Variants in SART3 observed in about 807,000 individuals in gnomAD.
The protein encoded by SART3 is spliceosome associated factor 3, U4/U6 recycling protein.
A neutral mutation model predicts 122.3 loss-of-function variants in SART3; 44 were observed. The observed-to-expected ratio is 0.36, with a 90% CI of 0.28 to 0.46. The LOEUF is 0.46. SART3 is among the 20% of genes least tolerant of loss of function. SART3 has a pLI of 1.00. For synonymous variants in SART3, 442 were observed against 454.0 expected (o/e 0.97, Z 0.34); for missense variants, 1,101 against 1,229.0 (o/e 0.90, Z 1.56).
At chr12:108,558,111 G>C (rs6539442) in intron 1 of SART3, among the ~76,000 whole-genome samples, 112,581 of 151,888 alleles carry the variant, frequency 0.74, 43,623 homozygotes, top group East Asian at 0.92. Flanking sequence ...CCTAGCTGCA[G>C]TGAGCCATGA....
chr12:108,555,712 T>C (rs1300645273), intron 1 of SART3, among the ~76,000 whole-genome samples: 2 of 152,152 alleles, frequency 1.3e-5, no homozygotes, highest in Non-Finnish European at 2.9e-5. Flanking sequence ...GTTATATGCA[T>C]GTTCTGGGTT....
intron 15 of SART3, among the ~76,000 whole-genome samples, chr12:108,527,531 A>G (rs942535180): frequency 7.2e-5 from 11 of 152,210 alleles, no homozygotes; most frequent in Admixed American, 3.3e-4. Flanking sequence ...TCCTGATCAC[A>G]CGCCATGCCC....
rs952356360 is a variant in SART3, at chr12:108,537,682, A to G, written c.1202-87T>C. The G allele has an allele frequency of 5.2e-6, 5 of 969,848 alleles. No individual in the cohort carries two copies. In the East Asian group the frequency reaches 1.3e-4, roughly 24 times the overall value. The allele number at this position is 969,848 out of a possible 1,614,324, so 60.1% of individuals were successfully genotyped here. A position where few individuals can be genotyped will look rare whatever the true frequency, so the allele number is the denominator to read the frequency against. On this transcript the variant is annotated intron_variant, in intron 8 of 18. Coordinates refer to ENST00000546815, the MANE Select transcript of SART3 (RefSeq NM_014706.4). ...TACATTCTACTGACTATAAAACACT[A>G]CATGACTTTAAAGACTAATAGATGC... is the stretch of plus-strand genomic sequence containing the variant.
chr12:108,551,676 G>A (rs779964673), intron 1 of SART3, among the ~76,000 whole-genome samples: 14 of 152,026 alleles, frequency 9.2e-5, no homozygotes, highest in East Asian at 7.7e-4. Flanking sequence ...AAGTACTTAC[G>A]GAACATTCAC....
chr12:108,541,836 C>T (rs1032769159), intron 6 of SART3, among the ~76,000 whole-genome samples: 1 of 151,974 alleles, frequency 6.6e-6, no homozygotes, highest in African/African-American at 2.4e-5. Context: ...CCCCGCCCGG[C>T]CCAGACTTTT....
At position 108,523,557 on chromosome 12, in the gene SART3, T is replaced by C. The variant is rs1258567041; in HGVS notation, c.2792A>G (p.Glu931Gly). 1 of 1,614,000 alleles carries C rather than the reference T, an allele frequency of 6.2e-7. No homozygotes were observed. The highest frequency in any genetic ancestry group is 8.5e-7 in the Non-Finnish European group (1 of 1,180,014). ...TGCAGGAGCCGCGGCAGGGCCGTTC[T>C]CAGCCTGAGGAGCTGCAGCACTTGG... ...QRPSAAAPQA[E>G]NGPAAAPAVA... The change falls in exon 19 of 19, where the codon GAG becomes GGG. Residue 931 changes from glutamate (E) to glycine (G), a missense_variant. This residue lies in a region of SART3 where 885 missense variants were observed against 1,080.1 expected (regional missense o/e 0.82). Transcript: ENST00000546815.
intron 7 of SART3, 54 bp from the exon 8 acceptor site, chr12:108,538,257 TCAA>T: frequency 6.3e-7 from 1 of 1,597,476 alleles, no homozygotes; most frequent in South Asian, 1.1e-5. Context: ...GCATTCACCA[TCAA>T]CAAGACATTG....
intron 2 of SART3, 150 bp from the exon 3 acceptor site, chr12:108,548,141 C>T (rs555549139): frequency 7.1e-6 from 5 of 706,428 alleles, no homozygotes; most frequent in South Asian, 6.0e-5. Flanking sequence ...CTGAACTAAG[C>T]ACATAGGAGG....
chr12:108,525,096 C>A (rs1284019419), intron 17 of SART3, among the ~76,000 whole-genome samples: 1 of 152,174 alleles, frequency 6.6e-6, no homozygotes, highest in Non-Finnish European at 1.5e-5. Flanking sequence ...TGGTTGGAGG[C>A]CCCAGAGAAA....
At chr12:108,524,758 C>G (rs933998741) in intron 17 of SART3, 2 of 566,078 alleles carry the variant, frequency 3.5e-6, no homozygotes, top group East Asian at 3.0e-5. Context: ...ACACCTTGTA[C>G]GTGCTGCAGA....
At chr12:108,553,666 C>A (rs1039002551) in intron 1 of SART3, among the ~76,000 whole-genome samples, 1 of 152,022 alleles carries the variant, frequency 6.6e-6, no homozygotes, top group Non-Finnish European at 1.5e-5. Flanking sequence ...AGAAAGACAG[C>A]CAATGAATAT....
chr12:108,558,212 T>C (rs576508726), intron 1 of SART3, among the ~76,000 whole-genome samples: 1 of 152,040 alleles, frequency 6.6e-6, no homozygotes, highest in Non-Finnish European at 1.5e-5. Flanking sequence ...AACTCTCAAA[T>C]ATGGCAAGGC....
In SART3 at chr12:108,535,343, C is replaced by T; in HGVS notation, c.1556+16G>A. The T allele has an allele frequency of 6.2e-7, 1 of 1,605,828 alleles. No individual in the cohort carries two copies. Among genetic ancestry groups the T allele is most frequent in the Non-Finnish European group, 8.5e-7 (1 of 1,172,754 alleles). On this transcript the variant is annotated intron_variant, in intron 12 of 18. Coordinates refer to ENST00000546815, the MANE Select transcript of SART3 (RefSeq NM_014706.4). ...CTGACAAGCACTGCCTCCCTCCCCA[C>T]CCCGAGATCAGTTACCTTTCCAGGT...
intron 11 of SART3, among the ~76,000 whole-genome samples, chr12:108,536,013 C>T (rs1872888038): frequency 6.6e-6 from 1 of 152,222 alleles, no homozygotes. Flanking sequence ...ATCCTACCTG[C>T]TGATCAAGGG....
intron 1 of SART3, among the ~76,000 whole-genome samples, chr12:108,556,512 A>C (rs2030226779): frequency 6.6e-6 from 1 of 152,242 alleles, no homozygotes; most frequent in South Asian, 2.1e-4. Flanking sequence ...TAAGACTTTT[A>C]GCAATGTTCT....
rs936223309 is a variant in SART3 at position 108,543,146 on chromosome 12, T to C, written c.788A>G (p.Glu263Gly). The C allele has an allele frequency of 6.2e-7, 1 of 1,614,030 alleles. No individual in the cohort carries two copies. The highest frequency in any genetic ancestry group is 1.3e-5 in the African/African-American group (1 of 74,920). ...TTCTTCATACTCTGCAAATGTGGCC[T>C]CCATATCTATTGAAAGATGGATTCA... Reference protein sequence around the residue: ...RQLAIPLYDMEATFAEYEEWS... With the variant: ...RQLAIPLYDMGATFAEYEEWS... Residue 263 changes from glutamate to glycine, a missense_variant, in exon 6 of 19, where the codon GAG (glutamate) becomes GGG (glycine). Glu to Gly is a moderately conservative substitution (Grantham distance 98). Coordinates refer to ENST00000546815, the MANE Select transcript of SART3 (RefSeq NM_014706.4).
rs755043956 is a variant in SART3 at position 108,538,966 on chromosome 12, G to T, written c.1030C>A (p.Pro344Thr). The T allele has an allele frequency of 6.2e-7, 1 of 1,614,132 alleles. No homozygotes were observed. The highest frequency in any genetic ancestry group is 1.1e-5 in the South Asian group (1 of 91,080). The change falls in exon 7 of 19, where the codon CCA becomes ACA. Residue 344 changes from proline to threonine, a missense_variant. Physicochemically the swap from Pro to Thr is conservative, Grantham distance 38 (BLOSUM62 -1). Transcript: ENST00000546815. ...ERALVENCLV[P>T]DLWIRYSQYL... is the part of the protein sequence containing the mutation. ...TGACTGTAACGGATCCATAAGTCTGGGACAAGGCAGTTCTCGACCAGGGCG... is the reference window on the plus strand; with the variant it reads ...TGACTGTAACGGATCCATAAGTCTGTGACAAGGCAGTTCTCGACCAGGGCG...
At chr12:108,553,720 C>T (rs547366236) in intron 1 of SART3, among the ~76,000 whole-genome samples, 36 of 152,236 alleles carry the variant, frequency 2.4e-4, no homozygotes, top group African/African-American at 8.4e-4. Context: ...ATGAAGTAGC[C>T]AGTGAACCTT....
rs71076787 is a variant in SART3 at position 108,557,206 on chromosome 12, GTTTTTTTTTTTTTTT to G, written c.312+3622_312+3636del. On this transcript the variant is annotated intron_variant, in intron 1 of 18. Coordinates refer to ENST00000546815, the MANE Select transcript of SART3 (RefSeq NM_014706.4). Reference sequence around the variant, plus strand: ...GTCTTAGAACATCATTAATGACATAGTTTTTTTTTTTTTTTTTTTTTTTTTGAGGTGGAATCTTGC... The same window carrying G: ...GTCTTAGAACATCATTAATGACATAGTTTTTTTTTTGAGGTGGAATCTTGC... Among the ~76,000 whole-genome samples, 15 of 82,950 alleles carry G rather than the reference GTTTTTTTTTTTTTTT, an allele frequency of 1.8e-4. No homozygotes were observed. In the South Asian group the frequency reaches 6.2e-3, roughly 34 times the overall value. 54.4% of individuals were successfully genotyped at this position (82,950 alleles called of 152,430 possible).
Sources: gnomAD v4.1 joint callset for allele counts (sites outside exome capture counted in the v4.1 genomes callset) on GRCh38, gnomAD v4.1.1 for gene constraint, gnomAD v4.1.1 regional missense constraint, MANE v1.5 for transcripts, NCBI Gene and HGNC (gene_info 2026-07-23, HGNC 2026-07-21) for gene names.